BOLL: variants seen among roughly 807,000 people sequenced by gnomAD.
The protein encoded by BOLL is boule RNA binding protein.
BOLL carries 23 observed loss-of-function variants against 44.4 expected under a neutral mutation model. The observed-to-expected ratio is 0.52, with a 90% CI of 0.37 to 0.73. The LOEUF is 0.73. Among genes scored for constraint, BOLL ranks in the 30% least tolerant of loss-of-function variants. The pLI is 0.00. For synonymous variants in BOLL, 97 were observed against 110.8 expected, an observed-to-expected ratio of 0.88 and a Z score of 0.78; for missense variants, 287 against 338.3, an observed-to-expected ratio of 0.85 and a Z score of 1.19.
intron 2 of BOLL, among the ~76,000 whole-genome samples, chr2:197,780,914 G>A (rs1216926564): frequency 6.6e-6 from 1 of 151,912 alleles, no homozygotes; most frequent in Non-Finnish European, 1.5e-5. Context: ...CTTTCTTGTA[G>A]GTGTTTACTC....
intron 9 of BOLL, among the ~76,000 whole-genome samples, chr2:197,746,722 A>C (rs566516371): frequency 6.6e-6 from 1 of 152,024 alleles, no homozygotes; most frequent in South Asian, 2.1e-4. Context: ...CAACATGGTG[A>C]AACCCCGTCT....
At position 197,727,849 on chromosome 2, in the gene BOLL, G is replaced by GA. The variant is rs1160444507; in HGVS notation, c.*705dup. On this transcript the variant is annotated 3_prime_UTR_variant, in exon 11 of 11. Coordinates refer to ENST00000392296, the MANE Select transcript of BOLL (RefSeq NM_033030.6). ...TTTCAATATTGTCTCAAACACTGGA[G>GA]AAAAAATTTAATATAGTCAAATTAC... 6.6e-6 allele frequency: 1 copy of GA among 152,072 alleles called. No individual in the cohort carries two copies. The highest frequency in any genetic ancestry group is 1.5e-5 in the Non-Finnish European group (1 of 67,970). 9.4% of individuals were successfully genotyped at this position (152,072 alleles called of 1,614,324 possible).
At chr2:197,758,361 A>T (rs184928144) in intron 7 of BOLL, among the ~76,000 whole-genome samples, 2 of 152,342 alleles carry the variant, frequency 1.3e-5, no homozygotes, top group Admixed American at 6.5e-5. Flanking sequence ...ATTTATCATG[A>T]CATAGATAAA....
intron 9 of BOLL, among the ~76,000 whole-genome samples, chr2:197,746,348 A>G (rs1337653405): frequency 6.6e-6 from 1 of 152,224 alleles, no homozygotes; most frequent in Non-Finnish European, 1.5e-5. Flanking sequence ...CTCCATTTCC[A>G]TGTTCACTCC....
intron 10 of BOLL, among the ~76,000 whole-genome samples, chr2:197,729,172 G>A (rs1201054516): frequency 2.6e-5 from 4 of 152,252 alleles, no homozygotes; most frequent in African/African-American, 9.6e-5. Flanking sequence ...GGAAGCGCAA[G>A]GGGTCAGGGA....
At position 197,762,171 on chromosome 2, in the gene BOLL, C is replaced by T. The variant is rs140730603; in HGVS notation, c.552+4361G>A. ...CCGGCCTGACCAATATGGTGAAACC[C>T]CGTCTCTACTAAAAATACAAAAATT... is the stretch of plus-strand genomic sequence containing the variant. On this transcript the variant is annotated intron_variant, in intron 7 of 10. Transcript: ENST00000392296. Among the ~76,000 whole-genome samples the T allele has an allele frequency of 5.0e-3, 760 of 152,176 alleles. 2 individuals carry two copies. The highest frequency in any genetic ancestry group is 0.017 in the African/African-American group (720 of 41,488).
chr2:197,743,072 C>T lies in BOLL; in HGVS notation c.817G>A (p.Glu273Lys), dbSNP rs1344560279. The T allele has an allele frequency of 1.3e-6, 2 of 1,590,288 alleles. No individual in the cohort carries two copies. The highest frequency in any genetic ancestry group is 1.7e-6 in the Non-Finnish European group (2 of 1,169,876). Reference sequence around the variant, plus strand: ...AACAAATTTCTTACTTTAATTGGCTCAGGCTGCATCACAGGCGCAGGCATA... The same window carrying T: ...AACAAATTTCTTACTTTAATTGGCTTAGGCTGCATCACAGGCGCAGGCATA... The part of the protein sequence containing the change: ...ITMPAPVMQP[E>K]PIKTVWSIHY Residue 273 changes from glutamate (E) to lysine (K), a missense_variant, in exon 10 of 11, where the codon GAG (glutamate) becomes AAG (lysine). Glu to Lys is a moderately conservative substitution (Grantham distance 56). Transcript: ENST00000392296.
chr2:197,778,971 T>C lies in BOLL; in HGVS notation c.221+4A>G, dbSNP rs199799810. Reference sequence around the variant, plus strand: ...TTCCATAGACAATCTATAGTGATACTAACCCTTTGGATACTCCAGCTCTGT... The same window carrying C: ...TTCCATAGACAATCTATAGTGATACCAACCCTTTGGATACTCCAGCTCTGT... On this transcript the variant is annotated splice_donor_region_variant and intron_variant, in intron 3 of 10. Transcript: ENST00000392296. 38 of 1,604,398 alleles carry C rather than the reference T, an allele frequency of 2.4e-5. No homozygotes were observed. The highest frequency in any genetic ancestry group is 3.2e-5 in the Non-Finnish European group (37 of 1,173,130).
chr2:197,769,453 C>T (rs926617442), intron 6 of BOLL, among the ~76,000 whole-genome samples: 1 of 151,902 alleles, frequency 6.6e-6, no homozygotes, highest in African/African-American at 2.4e-5. Context: ...TGGCGTAGAG[C>T]CCTCTCTCTT....
rs1007598059 is a variant in BOLL, at chr2:197,750,339, G to T, written c.729+6089C>A. Reference sequence around the variant, plus strand: ...AATGGGCTAAACGCCCCAATTAAAAGACACAGACTGGCAAATTGGACAAAG... The same window carrying T: ...AATGGGCTAAACGCCCCAATTAAAATACACAGACTGGCAAATTGGACAAAG... On this transcript the variant is annotated intron_variant, in intron 9 of 10. Transcript: ENST00000392296. Among the ~76,000 whole-genome samples the T allele has an allele frequency of 3.9e-5, 6 of 152,160 alleles. No individual in the cohort carries two copies. In the East Asian group the frequency reaches 1.2e-3, roughly 29 times the overall value.
chr2:197,781,138 G>A (rs146206750), intron 2 of BOLL, among the ~76,000 whole-genome samples: 138 of 152,026 alleles, frequency 9.1e-4, no homozygotes, highest in African/African-American at 3.1e-3. Flanking sequence ...GCCTAGTACC[G>A]AATAGTTATT....
At chr2:197,776,705 G>C (rs984508832) in intron 4 of BOLL, among the ~76,000 whole-genome samples, 1 of 151,772 alleles carries the variant, frequency 6.6e-6, no homozygotes. Flanking sequence ...AATATTCTTA[G>C]TTTATATAAT....
At position 197,755,590 on chromosome 2, in the gene BOLL, G is replaced by C. The variant is rs1308905656; in HGVS notation, c.729+838C>G. On this transcript the variant is annotated intron_variant, in intron 9 of 10. Coordinates refer to ENST00000392296, the MANE Select transcript of BOLL (RefSeq NM_033030.6). ...AAAAAGGAAAGAGATCATGTCCTTT[G>C]CTGGGACATGGATGGAGCTGGAAGC... 2.0e-5 allele frequency among the ~76,000 whole-genome samples: 3 copies of C among 152,208 alleles called. No individual in the cohort carries two copies. The East Asian group carries it at 5.8e-4, about 29-fold the overall frequency.
chr2:197,731,132 A>G (rs989689895), intron 10 of BOLL, among the ~76,000 whole-genome samples: 1 of 152,174 alleles, frequency 6.6e-6, no homozygotes. Context: ...TACCAAGCCA[A>G]TGGAAAACAA....
intron 4 of BOLL, among the ~76,000 whole-genome samples, chr2:197,776,533 A>G (rs1352821243): frequency 2.0e-5 from 3 of 151,950 alleles, no homozygotes; most frequent in African/African-American, 7.2e-5. Flanking sequence ...GTTCCTAGCA[A>G]TGTTAGAGAA....
At chr2:197,770,295 G>A (rs1689185393) in intron 6 of BOLL, among the ~76,000 whole-genome samples, 1 of 152,172 alleles carries the variant, frequency 6.6e-6, no homozygotes, top group Non-Finnish European at 1.5e-5. Context: ...CTAGCCATAT[G>A]TAGAAAGCTG....
intron 7 of BOLL, among the ~76,000 whole-genome samples, chr2:197,760,034 C>G (rs1472741181): frequency 6.6e-6 from 1 of 152,102 alleles, no homozygotes; most frequent in African/African-American, 2.4e-5. Context: ...CCAGCAGACA[C>G]GTCCCCAGGA....
intron 6 of BOLL, among the ~76,000 whole-genome samples, chr2:197,767,909 A>G (rs969183026): frequency 1.3e-5 from 2 of 151,976 alleles, no homozygotes; most frequent in African/African-American, 2.4e-5. Flanking sequence ...TTCAAGAACA[A>G]GGTCATGATG....
intron 8 of BOLL, 103 bp from the exon 9 acceptor site, chr2:197,756,659 C>A: frequency 1.7e-6 from 2 of 1,206,966 alleles, no homozygotes; most frequent in Non-Finnish European, 1.1e-6. Context: ...TTTTATTTTA[C>A]TAAATTTTTT....
Sources: allele counts gnomAD v4.1 joint callset (sites outside exome capture counted in the v4.1 genomes callset), GRCh38; gene constraint gnomAD v4.1.1; transcripts MANE v1.5; gene names NCBI Gene and HGNC (gene_info 2026-07-23, HGNC 2026-07-21).